The following CRAMP1 variants were observed in gnomAD, a reference collection of about 807,000 sequenced individuals.
CRAMP1 encodes protein cramped-like.
Under a neutral mutation model 115.4 loss-of-function variants are expected in CRAMP1, and 50 were observed. That is an observed-to-expected ratio of 0.43 (90% CI 0.35 to 0.55). CRAMP1 has a LOEUF of 0.55. Among genes scored for constraint, CRAMP1 ranks in the 20% least tolerant of loss-of-function variants. CRAMP1 has a pLI of 0.01. For missense variants in CRAMP1, 1,679 were observed against 1,721.7 expected, an observed-to-expected ratio of 0.98 and a Z score of 0.44; for synonymous variants, 866 against 745.4, an observed-to-expected ratio of 1.16 and a Z score of -2.64.
At chr16:1,647,349 T>C (rs1312612361) in intron 6 of CRAMP1, among the ~76,000 whole-genome samples, 2 of 152,194 alleles carry the variant, frequency 1.3e-5, no homozygotes, top group Non-Finnish European at 2.9e-5. Context: ...AGAGAATAAA[T>C]GTATCCGAAA....
chr16:1,632,823 G>A (rs897234413), intron 4 of CRAMP1, among the ~76,000 whole-genome samples: 3 of 152,244 alleles, frequency 2.0e-5, no homozygotes, highest in African/African-American at 4.8e-5. Flanking sequence ...GTCGGCCCTC[G>A]TTCAGTCACG....
chr16:1,669,235 A>ATTC lies in CRAMP1; in HGVS notation c.3499+72_3499+74dup. The stretch of plus-strand genomic sequence containing the variant: ...GGGGCTGGGGTCTGCGGGACACTGG[A>ATTC]TTCTCATTCTACTCAAACTCCCACT... On this transcript the variant is annotated intron_variant, in intron 19 of 20. Transcript: ENST00000397412. The surrounding 1 kb of genome is among the most constrained non-coding windows in gnomAD (Gnocchi z 4.6). The ATTC allele has an allele frequency of 8.1e-7, 1 of 1,228,472 alleles. No homozygotes were observed. Among genetic ancestry groups the ATTC allele is most frequent in the Admixed American group, 3.1e-5 (1 of 32,614 alleles). 76.1% of individuals were successfully genotyped at this position (1,228,472 alleles called of 1,614,324 possible). A position where few individuals can be genotyped will look rare whatever the true frequency, so the allele number is the denominator to read the frequency against.
chr16:1,643,681 G>A (rs2036651487), intron 6 of CRAMP1, among the ~76,000 whole-genome samples: 1 of 152,246 alleles, frequency 6.6e-6, no homozygotes, highest in Non-Finnish European at 1.5e-5. Context: ...CAGCAGGTGC[G>A]TGGACAGCGG....
chr16:1,655,158 C>G, intron 8 of CRAMP1, 61 bp from the exon 9 acceptor site: 8 of 1,441,068 alleles, frequency 5.6e-6, no homozygotes, highest in Non-Finnish European at 7.8e-6. Context: ...CCTCGGGACT[C>G]TTCAGATGGT....
rs1361428371 is a variant in CRAMP1, at chr16:1,658,997, G to A, written c.2236-889G>A. The stretch of plus-strand genomic sequence containing the variant: ...GAGCCAGACAGGGACCCCAGGACTC[G>A]GCAGCAGGCTCTGCAGGCTGTGGCG... On this transcript the variant is annotated intron_variant, in intron 10 of 20. Coordinates refer to ENST00000397412, the MANE Select transcript of CRAMP1 (RefSeq NM_020825.4). Among the ~76,000 whole-genome samples the A allele has an allele frequency of 2.6e-5, 4 of 152,208 alleles. No homozygotes were observed. The East Asian group carries it at 5.8e-4, about 22-fold the overall frequency.
At chr16:1,658,876 G>A (rs554804248) in intron 10 of CRAMP1, among the ~76,000 whole-genome samples, 1 of 152,310 alleles carries the variant, frequency 6.6e-6, no homozygotes, top group Admixed American at 6.5e-5. Flanking sequence ...CCCCGGGTGG[G>A]ATGTGTGGGG....
chr16:1,656,615 G>A lies in CRAMP1; in HGVS notation c.1858G>A (p.Gly620Ser), dbSNP rs758033308. Residue 620 changes from glycine to serine, a missense_variant, in exon 10 of 21, where the codon GGC becomes AGC. Gly to Ser is a moderately conservative substitution (Grantham distance 56). Around this residue, in one of 8 missense-constraint regions of CRAMP1, gnomAD observed 405 missense variants for 302.6 expected, o/e 1.34. Transcript: ENST00000397412. The surrounding 1 kb of genome is among the most constrained non-coding windows in gnomAD (Gnocchi z 5.6). Reference protein sequence around the residue: ...LAPTGPSPRPGPGLLLDVCTK... With the variant: ...LAPTGPSPRPSPGLLLDVCTK... ...TCCCACTGGCCCATCCCCGAGGCCC[G>A]GCCCCGGGCTCCTGCTGGATGTTTG... 6.4e-5 allele frequency: 100 copies of A among 1,574,350 alleles called. No individual in the cohort carries two copies. Among genetic ancestry groups the A allele is most frequent in the Middle Eastern group, 3.3e-4 (2 of 6,038 alleles).
chr16:1,646,723 A>G (rs1399326755), intron 6 of CRAMP1, among the ~76,000 whole-genome samples: 2 of 152,218 alleles, frequency 1.3e-5, no homozygotes, highest in Non-Finnish European at 2.9e-5. Context: ...ATGACATCTA[A>G]GAACTCTTTG....
chr16:1,614,724 G>A lies in CRAMP1; in HGVS notation c.85G>A (p.Glu29Lys), dbSNP rs1320200243. ...GKRAADEESL[E>K]GEGAGGADAA... ...GCGGGCGGCCGATGAGGAGTCCCTG[G>A]AAGGAGAAGGGGCCGGCGGCGCAGA... The change falls in exon 2 of 21, where the codon GAA becomes AAA. Residue 29 changes from glutamate to lysine, a missense_variant. Physicochemically the swap from Glu to Lys is moderately conservative, Grantham distance 56. Around this residue, in one of 8 missense-constraint regions of CRAMP1, gnomAD observed 264 missense variants for 229.7 expected, o/e 1.15. Transcript: ENST00000397412. The surrounding 1 kb of genome is among the most constrained non-coding windows in gnomAD (Gnocchi z 4.4). 2 of 1,362,690 alleles carry A rather than the reference G, an allele frequency of 1.5e-6. No individual in the cohort carries two copies. The highest frequency in any genetic ancestry group is 1.9e-6 in the Non-Finnish European group (2 of 1,046,952). The allele number at this position is 1,362,690 out of a possible 1,614,324, so 84.4% of individuals were successfully genotyped here.
chr16:1,631,811 A>T (rs536459524), intron 3 of CRAMP1, among the ~76,000 whole-genome samples: 3 of 152,322 alleles, frequency 2.0e-5, no homozygotes, highest in East Asian at 1.9e-4. Flanking sequence ...AGCAGTGAGG[A>T]TGTTTCTGAT....
intron 3 of CRAMP1, among the ~76,000 whole-genome samples, chr16:1,631,927 A>G (rs2036550706): frequency 6.6e-6 from 1 of 152,196 alleles, no homozygotes; most frequent in Non-Finnish European, 1.5e-5. Context: ...CATTTGTCCA[A>G]GTGATGAGCT....
At chr16:1,673,406 C>A (rs75062885) in intron 20 of CRAMP1, among the ~76,000 whole-genome samples, 2,953 of 152,322 alleles carry the variant, frequency 0.019, 219 homozygotes, top group Admixed American at 0.13. Flanking sequence ...CACCTGTCCT[C>A]ATGTCTATGA....
intron 6 of CRAMP1, 98 bp downstream of exon 6, chr16:1,641,285 G>A (rs2036629856): frequency 4.5e-6 from 4 of 884,242 alleles, no homozygotes; most frequent in African/African-American, 1.7e-5. Context: ...AGGACCTTCC[G>A]AGTTAAAACT....
At chr16:1,619,787 T>C (rs1344099712) in intron 2 of CRAMP1, among the ~76,000 whole-genome samples, 1 of 152,090 alleles carries the variant, frequency 6.6e-6, no homozygotes, top group South Asian at 2.1e-4. Flanking sequence ...AAGGGGACAG[T>C]ATGAGTGACT....
intron 11 of CRAMP1, among the ~76,000 whole-genome samples, 152 bp downstream of exon 11, chr16:1,660,215 A>G (rs1057351972): frequency 6.6e-6 from 1 of 152,230 alleles, no homozygotes; most frequent in African/African-American, 2.4e-5. Flanking sequence ...GTGAAGGTGC[A>G]GAATCACTGC....
chr16:1,654,676 G>A (rs1242906858), intron 8 of CRAMP1, among the ~76,000 whole-genome samples: 2 of 152,030 alleles, frequency 1.3e-5, no homozygotes, highest in East Asian at 1.9e-4. Context: ...TCCCACGGCC[G>A]CCGGCACCTC....
rs561530482 is a variant in CRAMP1 at position 1,640,083 on chromosome 16, G to A, written c.779-1056G>A. Among the ~76,000 whole-genome samples the A allele has an allele frequency of 5.9e-5, 9 of 152,280 alleles. No individual in the cohort carries two copies. The South Asian group carries it at 1.2e-3, about 21-fold the overall frequency. On this transcript the variant is annotated intron_variant, in intron 5 of 20. Transcript: ENST00000397412. ...TTCCTTTCTTGGTGCCTCGCCTGGCGACAAGAGCCCTTTCCGGTGCTTTTC... is the reference window on the plus strand; with the variant it reads ...TTCCTTTCTTGGTGCCTCGCCTGGCAACAAGAGCCCTTTCCGGTGCTTTTC...
At chr16:1,629,744 T>C (rs1376850262) in intron 3 of CRAMP1, among the ~76,000 whole-genome samples, 5 of 152,240 alleles carry the variant, frequency 3.3e-5, no homozygotes, top group African/African-American at 4.8e-5. Flanking sequence ...TTTCACGTGC[T>C]GCTTCGCCTC....
intron 18 of CRAMP1, 45 bp downstream of exon 18, chr16:1,668,238 G>C: frequency 7.4e-7 from 1 of 1,360,460 alleles, no homozygotes; most frequent in Non-Finnish European, 1.1e-6. Flanking sequence ...ATCAGGTGTT[G>C]ATCTCCTGCC....
Sources: gnomAD v4.1 joint callset for allele counts (sites outside exome capture counted in the v4.1 genomes callset) on GRCh38, gnomAD v4.1.1 for gene constraint, gnomAD v4.1.1 regional missense constraint, Gnocchi (gnomAD v3.1) non-coding constraint, MANE v1.5 for transcripts, NCBI Gene and HGNC (gene_info 2026-07-23, HGNC 2026-07-21) for gene names.